CFAP61: variants seen among roughly 807,000 people sequenced by gnomAD.
CFAP61 encodes cilia- and flagella-associated protein 61.
In CFAP61, 107 loss-of-function variants were observed where a neutral mutation model predicts 135.6. That is an observed-to-expected ratio of 0.79 (90% confidence interval 0.67 to 0.93). The LOEUF is 0.93. Among genes scored for constraint, CFAP61 ranks in the 40% least tolerant of loss-of-function variants. CFAP61 has a pLI of 0.00. For missense variants in CFAP61, 1,507 were observed against 1,556.2 expected (o/e 0.97, Z 0.53); for synonymous variants, 575 against 578.5 (o/e 0.99, Z 0.09).
rs1242772507 is a variant in CFAP61, at chr20:20,293,500, GA to G, written c.3216+3112del. The stretch of plus-strand genomic sequence containing the variant: ...GGGGTTGGAATTAATTTGATTAAGT[GA>G]AATCGTTGCCAAAATGGTCAGGCAG... On this transcript the variant is annotated intron_variant, in intron 24 of 26. Transcript: ENST00000245957. 7.2e-5 allele frequency among the ~76,000 whole-genome samples: 11 copies of G among 152,306 alleles called. No individual in the cohort carries two copies. In the South Asian group the frequency reaches 8.3e-4, roughly 11 times the overall value.
chr20:20,294,409 A>G (rs1404753526), intron 24 of CFAP61, among the ~76,000 whole-genome samples: 1 of 152,200 alleles, frequency 6.6e-6, no homozygotes, highest in African/African-American at 2.4e-5. Context: ...CAGTTCCCAG[A>G]TGGACCCCTC....
intron 25 of CFAP61, among the ~76,000 whole-genome samples, chr20:20,311,385 A>G (rs2056818135): frequency 6.6e-6 from 1 of 152,222 alleles, no homozygotes; most frequent in Admixed American, 6.5e-5. Context: ...TAGCTGCCAA[A>G]ATGTAAGAAA....
chr20:20,179,864 A>G (rs989054438), intron 13 of CFAP61, among the ~76,000 whole-genome samples: 3 of 152,230 alleles, frequency 2.0e-5, no homozygotes, highest in Admixed American at 2.0e-4. Flanking sequence ...TACACCATAT[A>G]CAAAAATTAA....
At chr20:20,325,037 G>C (rs2122271718) in intron 25 of CFAP61, among the ~76,000 whole-genome samples, 1 of 152,188 alleles carries the variant, frequency 6.6e-6, no homozygotes, top group East Asian at 1.9e-4. Context: ...AAAATGATCA[G>C]AAAGTACAGA....
chr20:20,229,929 T>C (rs1020418508), intron 18 of CFAP61, among the ~76,000 whole-genome samples: 1 of 152,250 alleles, frequency 6.6e-6, no homozygotes, highest in Non-Finnish European at 1.5e-5. Context: ...TTACTTGTTC[T>C]GATGGGTCTC....
At chr20:20,140,875 A>C (rs993465312) in intron 8 of CFAP61, among the ~76,000 whole-genome samples, 9 of 151,720 alleles carry the variant, frequency 5.9e-5, no homozygotes, top group Non-Finnish European at 1.2e-4. Context: ...ATGGAATACT[A>C]TGCAGCCATA....
chr20:20,080,830 C>T (rs13038510), intron 6 of CFAP61, among the ~76,000 whole-genome samples: 15,706 of 151,784 alleles, frequency 0.1, 1,136 homozygotes, highest in Non-Finnish European at 0.15. Flanking sequence ...GGTGAAACCC[C>T]GTCTCTTCTA....
chr20:20,165,445 G>A (rs1176462885), intron 11 of CFAP61, among the ~76,000 whole-genome samples: 1 of 152,180 alleles, frequency 6.6e-6, no homozygotes, highest in Non-Finnish European at 1.5e-5. Flanking sequence ...CTACAGCAAA[G>A]AGGAGGCATG....
chr20:20,187,231 G>A (rs1055995216), intron 13 of CFAP61, among the ~76,000 whole-genome samples: 11 of 152,238 alleles, frequency 7.2e-5, no homozygotes, highest in East Asian at 1.9e-4. Context: ...GGCTGAACAC[G>A]GGCTTCCCCC....
chr20:20,253,144 A>ATTTTCTTTTCTTTTC (rs11472286), intron 20 of CFAP61, among the ~76,000 whole-genome samples: 1,773 of 149,912 alleles, frequency 0.012, 28 homozygotes, highest in African/African-American at 0.031. Flanking sequence ...GAGATGCTAC[A>ATTTTCTTTTCTTTTC]TTTTCTTTTC....
At chr20:20,299,081 T>G (rs939075637) in intron 25 of CFAP61, among the ~76,000 whole-genome samples, 5 of 152,188 alleles carry the variant, frequency 3.3e-5, no homozygotes, top group Non-Finnish European at 7.3e-5. Flanking sequence ...ATGAAAACCA[T>G]GCAGTTCCAG....
intron 3 of CFAP61, among the ~76,000 whole-genome samples, chr20:20,073,253 A>G (rs1041964108): frequency 2.0e-5 from 3 of 152,230 alleles, no homozygotes; most frequent in Non-Finnish European, 4.4e-5. Flanking sequence ...AGTACTTGAA[A>G]TCATGTCGTC....
chr20:20,187,427 CACTTA>C (rs2055589556), intron 13 of CFAP61, among the ~76,000 whole-genome samples: 2 of 152,162 alleles, frequency 1.3e-5, no homozygotes, highest in Admixed American at 1.3e-4. Context: ...TCCATTGTGT[CACTTA>C]ACTTCACTTA....
In CFAP61 at chr20:20,166,473, A is replaced by G. The variant is rs187233338; in HGVS notation, c.1245+37A>G. On this transcript the variant is annotated intron_variant, in intron 12 of 26. Coordinates refer to ENST00000245957, the MANE Select transcript of CFAP61 (RefSeq NM_015585.4). ...CTGAATTTTGAGAACTGATTTTGTA[A>G]GCTTAGAGAACTTATAGAAAAGTAA... 3.9e-6 allele frequency: 6 copies of G among 1,532,606 alleles called. No homozygotes were observed. The East Asian group carries it at 1.3e-4, about 34-fold the overall frequency. The allele number at this position is 1,532,606 out of a possible 1,614,324, so 94.9% of individuals were successfully genotyped here.
chr20:20,060,545 G>A (rs2044717858), intron 2 of CFAP61, among the ~76,000 whole-genome samples: 1 of 152,214 alleles, frequency 6.6e-6, no homozygotes, highest in African/African-American at 2.4e-5. Context: ...GGAGGAGCAT[G>A]ATTAGAATGA....
intron 17 of CFAP61, among the ~76,000 whole-genome samples, chr20:20,212,967 G>A (rs1256081393): frequency 1.3e-5 from 2 of 152,168 alleles, no homozygotes; most frequent in African/African-American, 2.4e-5. Flanking sequence ...CACCGTGTCC[G>A]GTGGCAGCAA....
chr20:20,053,753 T>C (rs1460351632), intron 1 of CFAP61, among the ~76,000 whole-genome samples: 4 of 152,280 alleles, frequency 2.6e-5, no homozygotes, highest in South Asian at 2.1e-4. Flanking sequence ...AAAATTTAAA[T>C]AGAGAAGATT....
chr20:20,175,474 C>A (rs2054540287), intron 13 of CFAP61, among the ~76,000 whole-genome samples: 1 of 149,600 alleles, frequency 6.7e-6, no homozygotes, highest in Non-Finnish European at 1.5e-5. Flanking sequence ...GTAGGGGCTT[C>A]TGGTTTTTTT....
intron 8 of CFAP61, among the ~76,000 whole-genome samples, chr20:20,136,135 T>C (rs2050903476): frequency 3.3e-5 from 5 of 152,202 alleles, no homozygotes; most frequent in African/African-American, 9.6e-5. Flanking sequence ...ATTATTTGTT[T>C]TTTTTTCTCT....
Sources: allele counts gnomAD v4.1 joint callset (sites outside exome capture counted in the v4.1 genomes callset), GRCh38; gene constraint gnomAD v4.1.1; transcripts MANE v1.5; gene names NCBI Gene and HGNC (gene_info 2026-07-23, HGNC 2026-07-21).